NUP93: variants seen among roughly 807,000 people sequenced by gnomAD.
NUP93 encodes the protein nuclear pore complex protein Nup93.
Under a neutral mutation model 107.8 loss-of-function variants are expected in NUP93, and 55 were observed. That is an observed-to-expected ratio of 0.51 (90% confidence interval 0.41 to 0.64). NUP93 has a LOEUF of 0.64. NUP93 is among the 30% of genes least tolerant of loss of function. The pLI is 0.00. For missense variants in NUP93, 937 were observed against 1,044.7 expected (o/e 0.90, Z 1.42); for synonymous variants, 390 against 397.5 (o/e 0.98, Z 0.22).
At chr16:56,825,754 C>T (rs1381864465) in intron 8 of NUP93, among the ~76,000 whole-genome samples, 1 of 151,978 alleles carries the variant, frequency 6.6e-6, no homozygotes, top group Non-Finnish European at 1.5e-5. Flanking sequence ...TGGGAATTTC[C>T]TGTTCATAAT....
At position 56,823,715 on chromosome 16, in the gene NUP93, C is replaced by T. The variant is rs138983409; in HGVS notation, c.663C>T (p.Ser221=). ...SVAELDDKSI[S]DMWTMVKQMT... is the part of the protein sequence containing the mutation. ...GTTTCATTTATGTGCAGAGCATTTCCGACATGTGGACCATGGTAAAACAAA... is the reference window on the plus strand; with the variant it reads ...GTTTCATTTATGTGCAGAGCATTTCTGACATGTGGACCATGGTAAAACAAA... Residue 221 remains serine (S), a synonymous_variant, in exon 8 of 22, where the codon TCC becomes TCT. Transcript: ENST00000308159. 2.5e-6 allele frequency: 4 copies of T among 1,613,874 alleles called. No individual in the cohort carries two copies. Among genetic ancestry groups the T allele is most frequent in the African/African-American group, 1.3e-5 (1 of 74,894 alleles).
At chr16:56,831,812 A>G in intron 10 of NUP93, 30 bp from the exon 11 acceptor site, 1 of 1,609,304 alleles carries the variant, frequency 6.2e-7, no homozygotes, top group Non-Finnish European at 8.5e-7. Flanking sequence ...TTGAGTATGT[A>G]TCTATCTGTC....
At chr16:56,734,930 ATCTT>A (rs1961588277) in intron 1 of NUP93, among the ~76,000 whole-genome samples, 1 of 152,108 alleles carries the variant, frequency 6.6e-6, no homozygotes, top group South Asian at 2.1e-4. Flanking sequence ...GCCCATCTCT[ATCTT>A]TCTGACACGG....
intron 5 of NUP93, among the ~76,000 whole-genome samples, chr16:56,811,425 C>T (rs773077758): frequency 2.6e-5 from 4 of 152,150 alleles, no homozygotes; most frequent in Admixed American, 6.5e-5. Flanking sequence ...GGAGACTACA[C>T]AATGTAAAAG....
chr16:56,824,303 G>A (rs1250479147), intron 8 of NUP93, among the ~76,000 whole-genome samples: 3 of 152,114 alleles, frequency 2.0e-5, no homozygotes, highest in African/African-American at 4.8e-5. Context: ...ATTCCCATAA[G>A]TCAGGGTCAT....
rs1964111313 is a variant in NUP93, at chr16:56,845,933, C to T, written c.*1324C>T. The T allele has an allele frequency of 6.6e-6, 1 of 152,210 alleles. No homozygotes were observed. Among genetic ancestry groups the T allele is most frequent in the Non-Finnish European group, 1.5e-5 (1 of 68,050 alleles). The allele number at this position is 152,210 out of a possible 1,614,324, so 9.4% of individuals were successfully genotyped here. On this transcript the variant is annotated 3_prime_UTR_variant, in exon 22 of 22. Coordinates refer to ENST00000308159, the MANE Select transcript of NUP93 (RefSeq NM_014669.5). ...TCCAGGAAGGATGCGGCCTGAGGGT[C>T]AGTGGAGCTGTGTTCTGCCTTCCTC...
At chr16:56,827,044 CAAA>C (rs1188027635) in intron 8 of NUP93, among the ~76,000 whole-genome samples, 3,670 of 53,524 alleles carry the variant, frequency 0.069, 104 homozygotes, top group East Asian at 0.12. Context: ...GACTCCGTCT[CAAA>C]AAAAAAAAAA....
chr16:56,824,734 T>C lies in NUP93; in HGVS notation c.794+888T>C, dbSNP rs565763768. Among the ~76,000 whole-genome samples, 14 of 152,310 alleles carry C rather than the reference T, an allele frequency of 9.2e-5. No individual in the cohort carries two copies. The East Asian group carries it at 2.7e-3, about 29-fold the overall frequency. ...GTATGTTACTGAGGTAATTCAAACTTGGTACAGCAGAGAATAGGTTTTTAT... is the reference window on the plus strand; with the variant it reads ...GTATGTTACTGAGGTAATTCAAACTCGGTACAGCAGAGAATAGGTTTTTAT... On this transcript the variant is annotated intron_variant, in intron 8 of 21. Transcript: ENST00000308159.
Position 56,781,413 on chromosome 16 carries a change from C to T in NUP93, c.298-17063C>T, listed in dbSNP as rs555963843. On this transcript the variant is annotated intron_variant, in intron 3 of 21. Coordinates refer to ENST00000308159, the MANE Select transcript of NUP93 (RefSeq NM_014669.5). ...TACAATTGACAAGGGCACAATGATC[C>T]GAGATGCTTCTGTATGTTGTATCTA... is the stretch of plus-strand genomic sequence containing the variant. Among the ~76,000 whole-genome samples, 15 of 152,038 alleles carry T rather than the reference C, an allele frequency of 9.9e-5. No homozygotes were observed. In the East Asian group the frequency reaches 2.3e-3, roughly 24 times the overall value.
intron 8 of NUP93, among the ~76,000 whole-genome samples, chr16:56,825,205 C>CTTTTTTTTTTTTTTTTTTTTTTTTTTT (rs34378384): frequency 1.3e-5 from 1 of 76,344 alleles, no homozygotes; most frequent in Non-Finnish European, 2.4e-5. Flanking sequence ...CCATACCCAG[C>CTTTTTTTTTTTTTTTTTTTTTTTTTTT]TTTTTTTTTT....
At chr16:56,812,842 C>T (rs1963345302) in intron 5 of NUP93, among the ~76,000 whole-genome samples, 2 of 152,184 alleles carry the variant, frequency 1.3e-5, no homozygotes, top group East Asian at 1.9e-4. Flanking sequence ...CCCCTGGCTA[C>T]GAATCCTCAC....
At chr16:56,809,775 A>G (rs1191573231) in intron 5 of NUP93, among the ~76,000 whole-genome samples, 4 of 152,312 alleles carry the variant, frequency 2.6e-5, no homozygotes, top group East Asian at 1.9e-4. Flanking sequence ...CTAGCCCCCA[A>G]ATAAACAGAT....
At chr16:56,735,435 C>T (rs1271809404) in intron 1 of NUP93, among the ~76,000 whole-genome samples, 1 of 152,164 alleles carries the variant, frequency 6.6e-6, no homozygotes. Flanking sequence ...AATCAAGTGA[C>T]TGGTACACAA....
At chr16:56,813,251 A>G (rs902628409) in intron 5 of NUP93, among the ~76,000 whole-genome samples, 7 of 152,238 alleles carry the variant, frequency 4.6e-5, no homozygotes, top group African/African-American at 1.2e-4. Flanking sequence ...ACATCTCAAC[A>G]TCTCTCAAAT....
At chr16:56,761,419 A>G (rs1962123905) in intron 3 of NUP93, among the ~76,000 whole-genome samples, 1 of 152,206 alleles carries the variant, frequency 6.6e-6, no homozygotes, top group Non-Finnish European at 1.5e-5. Flanking sequence ...GGACATTTTC[A>G]GTGATTTGTC....
At chr16:56,795,772 G>A (rs1460901942) in intron 3 of NUP93, among the ~76,000 whole-genome samples, 1 of 151,850 alleles carries the variant, frequency 6.6e-6, no homozygotes, top group Admixed American at 6.6e-5. Flanking sequence ...TTAGCCTCCC[G>A]AGTAGCTGGG....
intron 3 of NUP93, among the ~76,000 whole-genome samples, chr16:56,786,536 T>C (rs939876696): frequency 1.3e-5 from 2 of 152,238 alleles, no homozygotes; most frequent in Non-Finnish European, 2.9e-5. Flanking sequence ...CTCACAGAGA[T>C]GTTCATTTTC....
Position 56,830,602 on chromosome 16 carries a change from T to C in NUP93, c.1002T>C (p.Ala334=), listed in dbSNP as rs1567409364. 1.2e-6 allele frequency: 2 copies of C among 1,611,238 alleles called. No homozygotes were observed. The highest frequency in any genetic ancestry group is 1.7e-6 in the Non-Finnish European group (2 of 1,177,608). ...YCMRCGDLLA[A]SQVVNRAQHQ... ...TGCGCTGTGGAGACCTGCTTGCCGC[T>C]TCACAGGTAGTTAATCGAGCCCAGC... The change falls in exon 10 of 22, where the codon GCT becomes GCC. Residue 334 remains alanine (A), a synonymous_variant. Coordinates refer to ENST00000308159, the MANE Select transcript of NUP93 (RefSeq NM_014669.5).
chr16:56,825,796 G>A (rs1031859677), intron 8 of NUP93, among the ~76,000 whole-genome samples: 4 of 152,106 alleles, frequency 2.6e-5, no homozygotes, highest in Non-Finnish European at 4.4e-5. Context: ...CACTCTAGTG[G>A]CATCACTCTC....
Sources: allele counts gnomAD v4.1 joint callset (sites outside exome capture counted in the v4.1 genomes callset), GRCh38; gene constraint gnomAD v4.1.1; transcripts MANE v1.5; gene names NCBI Gene and HGNC (gene_info 2026-07-23, HGNC 2026-07-21).